Variants in MYCL observed in about 807,000 individuals in gnomAD.
MYCL encodes MYCL proto-oncogene, bHLH transcription factor.
A neutral mutation model predicts 31.0 loss-of-function variants in MYCL; 11 were observed. The ratio of observed to expected loss-of-function variants is 0.35; its 90% CI spans 0.22 to 0.59. The LOEUF (loss-of-function observed/expected upper bound fraction) is 0.59, where lower values mean the gene tolerates loss of function less well. Among genes scored for constraint, MYCL ranks in the 20% least tolerant of loss-of-function variants. The probability of loss-of-function intolerance (pLI) is 0.79; values close to 1 mark genes in which losing one functional copy is unlikely to be tolerated. For synonymous variants in MYCL, 208 were observed against 202.4 expected, an observed-to-expected ratio of 1.03 and a Z score of -0.23; for missense variants, 427 against 486.1, an observed-to-expected ratio of 0.88 and a Z score of 1.14.
Position 39,897,887 on chromosome 1 carries a change from C to T in MYCL, c.580G>A (p.Asp194Asn), listed in dbSNP as rs759854690. 2 of 1,614,168 alleles carry T rather than the reference C, an allele frequency of 1.2e-6. No individual in the cohort carries two copies. Among genetic ancestry groups the T allele is most frequent in the South Asian group, 1.1e-5 (1 of 91,080 alleles). ...RKPVTITVRA[D>N]PLDPCMKHFH... ...TGCTTCATGCAGGGATCCAGGGGGT[C>T]TGCTCGCACCGTGATGGTGACCGGC... The change falls in exon 2 of 2, where the codon GAC becomes AAC. Residue 194 changes from aspartate to asparagine, a missense_variant. By Grantham distance (23) the Asp-to-Asn change is conservative. Transcript: ENST00000372816. This position sits in a 1 kb window ranked among gnomAD's most constrained non-coding sequence, Gnocchi z 4.3.
At position 39,901,244 on chromosome 1, in the gene MYCL, C is replaced by T; in HGVS notation, c.191G>A (p.Trp64Ter). 1.2e-6 allele frequency: 2 copies of T among 1,608,526 alleles called. No individual in the cohort carries two copies. Among genetic ancestry groups the T allele is most frequent in the Non-Finnish European group, 1.7e-6 (2 of 1,177,806 alleles). The change falls in exon 1 of 2, where the codon TGG becomes TAG. Residue 64 changes from tryptophan (W) to a stop codon, truncating the protein, a stop_gained. Transcript: ENST00000372816. LOFTEE classifies it high-confidence loss of function. This position sits in a 1 kb window ranked among gnomAD's most constrained non-coding sequence, Gnocchi z 6.9. ...TTCGTCTCCGGTGCACCCTCCGGGCCACGGCTCCGGGGGACCAATCCCGGG... is the reference window on the plus strand; with the variant it reads ...TTCGTCTCCGGTGCACCCTCCGGGCTACGGCTCCGGGGGACCAATCCCGGG... ...PAPGIGPPEPWPGGCTGDEAE... is the reference protein window; with the variant it reads ...PAPGIGPPEP
intron 1 of MYCL, chr1:39,898,722 A>C (rs955374972): frequency 1.0e-6 from 1 of 985,506 alleles, no homozygotes; most frequent in Non-Finnish European, 1.2e-6. Flanking sequence ...ACAAAGGTAC[A>C]AGCGACCATT....
At chr1:39,899,127 T>C in intron 1 of MYCL, 1 of 975,672 alleles carries the variant, frequency 1.0e-6, no homozygotes, top group South Asian at 4.7e-5. Context: ...ACGCTGTGTT[T>C]GGACTTCTGT....
At chr1:39,899,996 A>C in intron 1 of MYCL, 1 of 985,510 alleles carries the variant, frequency 1.0e-6, no homozygotes, top group South Asian at 4.7e-5. Flanking sequence ...AGGATGCCCC[A>C]GTCTGCCCTC....
At position 39,901,560 on chromosome 1, in the gene MYCL, T is replaced by G; in HGVS notation, c.-126A>C. ...TCGTTCCTCCCCAACCCCACCAGCT[T>G]GCAGCCTGCGCCCAGTCCTCGCGTC... On this transcript the variant is annotated 5_prime_UTR_variant, in exon 1 of 2. Coordinates refer to ENST00000372816, the MANE Select transcript of MYCL (RefSeq NM_001033081.3). The surrounding 1 kb of genome is among the most constrained non-coding windows in gnomAD (Gnocchi z 6.9). The G allele has an allele frequency of 1.4e-6, 2 of 1,461,562 alleles. No homozygotes were observed. The highest frequency in any genetic ancestry group is 1.8e-6 in the Non-Finnish European group (2 of 1,117,208). 90.5% of individuals were successfully genotyped at this position (1,461,562 alleles called of 1,614,324 possible). A position where few individuals can be genotyped will look rare whatever the true frequency, so the allele number is the denominator to read the frequency against.
chr1:39,896,636 A>C lies in MYCL; in HGVS notation c.*736T>G, dbSNP rs1053077422. On this transcript the variant is annotated 3_prime_UTR_variant, in exon 2 of 2. Transcript: ENST00000372816. ...ATTGCATAACAAGGCATAATGGAAC[A>C]AAAAAGTCCCTTGTGAGGAAAGAAA... The C allele has an allele frequency of 4.8e-6, 1 of 207,778 alleles. No homozygotes were observed. Among genetic ancestry groups the C allele is most frequent in the Non-Finnish European group, 9.8e-6 (1 of 101,592 alleles). The allele number at this position is 207,778 out of a possible 1,614,324, so 12.9% of individuals were successfully genotyped here. A position where few individuals can be genotyped will look rare whatever the true frequency, so the allele number is the denominator to read the frequency against.
intron 1 of MYCL, 59 bp from the exon 2 acceptor site, chr1:39,898,029 C>T: frequency 6.4e-7 from 1 of 1,560,668 alleles, no homozygotes; most frequent in African/African-American, 1.4e-5. Context: ...CAAACATAGA[C>T]CCTACAGCTT....
In MYCL at chr1:39,901,657, C is replaced by A; in HGVS notation, c.-223G>T. 2 of 1,341,410 alleles carry A rather than the reference C, an allele frequency of 1.5e-6. No homozygotes were observed. Among genetic ancestry groups the A allele is most frequent in the Non-Finnish European group, 1.9e-6 (2 of 1,053,716 alleles). The allele number at this position is 1,341,410 out of a possible 1,614,324, so 83.1% of individuals were successfully genotyped here. On this transcript the variant is annotated 5_prime_UTR_variant, in exon 1 of 2. Coordinates refer to ENST00000372816, the MANE Select transcript of MYCL (RefSeq NM_001033081.3). The surrounding 1 kb of genome is among the most constrained non-coding windows in gnomAD (Gnocchi z 6.9). ...AGCGCGCGGACCCGACTGTGGGCAG[C>A]GAGTTCAAAGCAAACTTTGCCAGCG...
chr1:39,900,439 G>A (rs145078302), intron 1 of MYCL: 16 of 994,946 alleles, frequency 1.6e-5, no homozygotes, highest in East Asian at 2.1e-4. Context: ...GGGGAGGCAC[G>A]AGAAGAGGGC....
At chr1:39,900,470 A>T in intron 1 of MYCL, 1 of 1,021,490 alleles carries the variant, frequency 9.8e-7, no homozygotes. Flanking sequence ...GGCATTTTAA[A>T]GTAAAGCCAA....
chr1:39,897,600 C>T lies in MYCL; in HGVS notation c.867G>A (p.Leu289=), dbSNP rs1570181660. 1 of 1,614,226 alleles carries T rather than the reference C, an allele frequency of 6.2e-7. No homozygotes were observed. The highest frequency in any genetic ancestry group is 1.1e-5 in the South Asian group (1 of 91,084). ...DVTKRKNHNF[L]ERKRRNDLRS... ...GCAGGTCATTCCGCCTCTTGCGCTC[C>T]AGGAAGTTGTGATTCTTCCTCTTGG... The change falls in exon 2 of 2, where the codon CTG becomes CTA. Residue 289 remains leucine, a synonymous_variant. Transcript: ENST00000372816. The surrounding 1 kb of genome is among the most constrained non-coding windows in gnomAD (Gnocchi z 4.3).
chr1:39,897,735 C>T lies in MYCL; in HGVS notation c.732G>A (p.Gly244=), dbSNP rs1644496488. 1 of 1,614,032 alleles carries T rather than the reference C, an allele frequency of 6.2e-7. No individual in the cohort carries two copies. Among genetic ancestry groups the T allele is most frequent in the Admixed American group, 1.7e-5 (1 of 60,000 alleles). ...CTTCATCCTCCTCATCTTCCTTTTC[C>T]CCTGCAGCATCTCTCTCCAGAACCT... The part of the protein sequence containing the change: ...QEEVLERDAA[G]EKEDEEDEEI... Residue 244 remains glycine, a synonymous_variant, in exon 2 of 2, where the codon GGG becomes GGA. Coordinates refer to ENST00000372816, the MANE Select transcript of MYCL (RefSeq NM_001033081.3). The surrounding 1 kb of genome is among the most constrained non-coding windows in gnomAD (Gnocchi z 4.3).
intron 1 of MYCL, chr1:39,899,100 C>T: frequency 1.0e-6 from 1 of 984,950 alleles, no homozygotes; most frequent in Non-Finnish European, 1.2e-6. Context: ...GGCCCCAAAG[C>T]CCATGATTGG....
Position 39,901,289 on chromosome 1 carries a change from G to C in MYCL, c.146C>G (p.Pro49Arg). 6.2e-7 allele frequency: 1 copy of C among 1,601,434 alleles called. No homozygotes were observed. Among genetic ancestry groups the C allele is most frequent in the Non-Finnish European group, 8.5e-7 (1 of 1,174,594 alleles). The change falls in exon 1 of 2, where the codon CCC becomes CGC. Residue 49 changes from proline (P) to arginine (R), a missense_variant. Physicochemically the swap from Pro to Arg is moderately radical, Grantham distance 103. Coordinates refer to ENST00000372816, the MANE Select transcript of MYCL (RefSeq NM_001033081.3). This position sits in a 1 kb window ranked among gnomAD's most constrained non-coding sequence, Gnocchi z 6.9. ...PPTSPPWGLGPGAGDPAPGIG... is the reference protein window; with the variant it reads ...PPTSPPWGLGRGAGDPAPGIG... ...CCCGGGGGCCGGGTCCCCTGCGCCG[G>C]GACCCAAGCCCCAGGGCGGCGACGT...
chr1:39,900,179 T>C (rs1201092840), intron 1 of MYCL: 12 of 985,496 alleles, frequency 1.2e-5, no homozygotes, highest in Non-Finnish European at 1.4e-5. Flanking sequence ...AGGACACTTT[T>C]CCATCTCAGG....
intron 1 of MYCL, 148 bp from the exon 2 acceptor site, chr1:39,898,118 G>T: frequency 1.7e-6 from 2 of 1,206,238 alleles, no homozygotes; most frequent in Non-Finnish European, 2.3e-6. Flanking sequence ...TGAGCAGAAA[G>T]CTGATTCATT....
Position 39,896,551 on chromosome 1 carries a change from C to A in MYCL, c.*821G>T. The A allele has an allele frequency of 9.3e-6, 2 of 214,120 alleles. No homozygotes were observed. Among genetic ancestry groups the A allele is most frequent in the Non-Finnish European group, 9.5e-6 (1 of 105,640 alleles). The allele number at this position is 214,120 out of a possible 1,614,324, so 13.3% of individuals were successfully genotyped here. ...CTATCCCCAGGCCCCAGGCTAGGAC[C>A]GATTTCCCTGTGTCTTGGGGAAATA... On this transcript the variant is annotated 3_prime_UTR_variant, in exon 2 of 2. Coordinates refer to ENST00000372816, the MANE Select transcript of MYCL (RefSeq NM_001033081.3).
At position 39,897,852 on chromosome 1, in the gene MYCL, G is replaced by T. The variant is rs201129889; in HGVS notation, c.615C>A (p.Ile205=). 5.0e-6 allele frequency: 8 copies of T among 1,614,220 alleles called. No individual in the cohort carries two copies. The highest frequency in any genetic ancestry group is 4.0e-5 in the African/African-American group (3 of 75,060). The change falls in exon 2 of 2, where the codon ATC becomes ATA. Residue 205 remains isoleucine, a synonymous_variant. Coordinates refer to ENST00000372816, the MANE Select transcript of MYCL (RefSeq NM_001033081.3). This position sits in a 1 kb window ranked among gnomAD's most constrained non-coding sequence, Gnocchi z 4.3. Reference sequence around the variant, plus strand: ...AGTTGTGCTGTTGCTGATGGATGGAGATGTGGAAATGCTTCATGCAGGGAT... The same window carrying T: ...AGTTGTGCTGTTGCTGATGGATGGATATGTGGAAATGCTTCATGCAGGGAT... ...PLDPCMKHFH[I]SIHQQQHNYA... is the part of the protein sequence containing the mutation.
chr1:39,898,205 C>G, intron 1 of MYCL: 1 of 600,042 alleles, frequency 1.7e-6, no homozygotes, highest in South Asian at 2.4e-5. Context: ...TTTCCTTTTG[C>G]ACAGCAAGGC....
Sources: allele counts gnomAD v4.1 joint callset, GRCh38; gene constraint gnomAD v4.1.1; non-coding constraint Gnocchi (gnomAD v3.1); transcripts MANE v1.5; gene names NCBI Gene and HGNC (gene_info 2026-07-23, HGNC 2026-07-21).